Variants in SEMA3E observed in about 807,000 individuals in gnomAD.
SEMA3E encodes the protein semaphorin 3E.
A neutral mutation model predicts 93.6 loss-of-function variants in SEMA3E; 49 were observed. The observed-to-expected ratio is 0.52, with a 90% CI of 0.42 to 0.66. The LOEUF is 0.66. SEMA3E is among the 30% of genes least tolerant of loss of function. SEMA3E has a pLI of 0.00. For synonymous variants in SEMA3E, 363 were observed against 330.7 expected (o/e 1.10, Z -1.06); for missense variants, 906 against 964.8 (o/e 0.94, Z 0.81).
chr7:83,409,122 G>T (rs1471459883), intron 5 of SEMA3E, among the ~76,000 whole-genome samples: 1 of 152,180 alleles, frequency 6.6e-6, no homozygotes, highest in Non-Finnish European at 1.5e-5. Flanking sequence ...ATTGAAGGAA[G>T]TTAGTTGCAA....
intron 1 of SEMA3E, among the ~76,000 whole-genome samples, chr7:83,618,391 T>C (rs1363041992): frequency 4.6e-5 from 7 of 152,174 alleles, no homozygotes; most frequent in Middle Eastern, 3.4e-3. Context: ...AAGTGACAAG[T>C]AAGTTTTTTT....
At position 83,405,950 on chromosome 7, in the gene SEMA3E, T is replaced by G; in HGVS notation, c.923A>C (p.Glu308Ala). ...ATTCACCTAAAAACATTTACCTAAT[T>G]CATCAAAATATGTGTCAATTCCATT... The part of the protein sequence containing the change: ...GMNGIDTYFD[E>A]LEDVFLLPTR... Residue 308 changes from glutamate (E) to alanine (A), a missense_variant, in exon 8 of 17, where the codon GAA (glutamate) becomes GCA (alanine). Coordinates refer to ENST00000643230, the MANE Select transcript of SEMA3E (RefSeq NM_012431.3). 1 of 1,607,712 alleles carries G rather than the reference T, an allele frequency of 6.2e-7. No individual in the cohort carries two copies. The highest frequency in any genetic ancestry group is 1.3e-5 in the African/African-American group (1 of 74,868).
chr7:83,501,696 T>C (rs185744275), intron 1 of SEMA3E, among the ~76,000 whole-genome samples: 1 of 152,352 alleles, frequency 6.6e-6, no homozygotes, highest in Admixed American at 6.5e-5. Flanking sequence ...ATCATTTTAA[T>C]GACAGGTCTA....
chr7:83,537,661 C>T (rs1279926839), intron 1 of SEMA3E, among the ~76,000 whole-genome samples: 1 of 152,136 alleles, frequency 6.6e-6, no homozygotes, highest in East Asian at 1.9e-4. Context: ...TTCTTTCCTG[C>T]TTCTCAATCT....
chr7:83,554,298 TC>T (rs1360561873), intron 1 of SEMA3E, among the ~76,000 whole-genome samples: 1 of 152,156 alleles, frequency 6.6e-6, no homozygotes, highest in Non-Finnish European at 1.5e-5. Flanking sequence ...TCAACAGTAA[TC>T]TTAAATCAGG....
chr7:83,635,634 T>G (rs1793867318), intron 1 of SEMA3E, among the ~76,000 whole-genome samples: 1 of 151,966 alleles, frequency 6.6e-6, no homozygotes, highest in Non-Finnish European at 1.5e-5. Context: ...ATTAAGTACA[T>G]GAAAAAACAT....
At chr7:83,567,007 C>T (rs1339845728) in intron 1 of SEMA3E, among the ~76,000 whole-genome samples, 1 of 152,142 alleles carries the variant, frequency 6.6e-6, no homozygotes, top group East Asian at 1.9e-4. Context: ...GAACGACTGC[C>T]TTCAAGCAAT....
intron 1 of SEMA3E, among the ~76,000 whole-genome samples, chr7:83,547,529 A>G (rs1477130596): frequency 2.0e-5 from 3 of 152,238 alleles, no homozygotes; most frequent in East Asian, 1.9e-4. Flanking sequence ...CACAGCCTAA[A>G]TAAGGAAGGT....
chr7:83,615,491 A>G (rs748273351), intron 1 of SEMA3E, among the ~76,000 whole-genome samples: 15 of 152,128 alleles, frequency 9.9e-5, no homozygotes, highest in Non-Finnish European at 2.1e-4. Flanking sequence ...AAATGTGATC[A>G]ACCATAGGTG....
At chr7:83,539,831 C>CT (rs55973254) in intron 1 of SEMA3E, among the ~76,000 whole-genome samples, 32,997 of 133,670 alleles carry the variant, frequency 0.25, 3,885 homozygotes, top group East Asian at 0.43. Flanking sequence ...TTTAAGTTAA[C>CT]TTTTTTGTTT....
intron 1 of SEMA3E, among the ~76,000 whole-genome samples, chr7:83,540,058 A>C (rs1018879585): frequency 3.9e-5 from 6 of 152,074 alleles, no homozygotes; most frequent in East Asian, 1.9e-4. Context: ...TAATTTTTGT[A>C]TTTTTAGTAG....
Position 83,368,536 on chromosome 7 carries a change from G to A in SEMA3E, c.1876-498C>T, listed in dbSNP as rs367589546. 9.2e-5 allele frequency among the ~76,000 whole-genome samples: 14 copies of A among 152,146 alleles called. 1 individual carries two copies. The highest frequency in any genetic ancestry group is 9.6e-5 in the African/African-American group (4 of 41,520). On this transcript the variant is annotated intron_variant, in intron 16 of 16. Transcript: ENST00000643230. ...CAAGGACCTCTCTTTGGAGAACTGG[G>A]CTCCTTTCACTTTGTCGTCTTACAA...
At chr7:83,455,317 G>C (rs1584259569) in intron 4 of SEMA3E, among the ~76,000 whole-genome samples, 1 of 152,146 alleles carries the variant, frequency 6.6e-6, no homozygotes, top group African/African-American at 2.4e-5. Context: ...TCTGCAGATG[G>C]CCCACACATT....
chr7:83,532,119 A>T (rs1791315886), intron 1 of SEMA3E, among the ~76,000 whole-genome samples: 1 of 152,146 alleles, frequency 6.6e-6, no homozygotes, highest in African/African-American at 2.4e-5. Flanking sequence ...AGACAACATT[A>T]AAAAAATTAG....
chr7:83,400,995 G>T (rs1164643385), intron 10 of SEMA3E, among the ~76,000 whole-genome samples: 2 of 151,856 alleles, frequency 1.3e-5, no homozygotes, highest in Non-Finnish European at 2.9e-5. Context: ...AATTTTAGTG[G>T]TTCAACAAAA....
intron 2 of SEMA3E, among the ~76,000 whole-genome samples, chr7:83,475,325 T>G (rs1216016596): frequency 6.6e-6 from 1 of 152,154 alleles, no homozygotes; most frequent in Non-Finnish European, 1.5e-5. Context: ...TAATTCTCCA[T>G]AGCGTTTTTA....
In SEMA3E at chr7:83,488,052, T is replaced by C. The variant is rs1334954882; in HGVS notation, c.276+2062A>G. On this transcript the variant is annotated intron_variant, in intron 2 of 16. Transcript: ENST00000643230. ...CTGCTTGCAAGGTGACAGGAGCCAA[T>C]ATGCAAGCTGATTCATAAAAAAGAC... is the stretch of plus-strand genomic sequence containing the variant. Among the ~76,000 whole-genome samples, 5 of 151,694 alleles carry C rather than the reference T, an allele frequency of 3.3e-5. No individual in the cohort carries two copies. In the East Asian group the frequency reaches 9.7e-4, roughly 29 times the overall value.
intron 13 of SEMA3E, among the ~76,000 whole-genome samples, chr7:83,393,139 G>T (rs1316870460): frequency 6.6e-6 from 1 of 151,790 alleles, no homozygotes. Context: ...ATAAATGCAG[G>T]AGTACCAAAA....
At chr7:83,597,057 T>C (rs1156405697) in intron 1 of SEMA3E, among the ~76,000 whole-genome samples, 1 of 152,050 alleles carries the variant, frequency 6.6e-6, no homozygotes, top group African/African-American at 2.4e-5. Context: ...GGTGACTGCC[T>C]AACACTACTA....
Sources: allele counts gnomAD v4.1 joint callset (sites outside exome capture counted in the v4.1 genomes callset), GRCh38; gene constraint gnomAD v4.1.1; transcripts MANE v1.5; gene names NCBI Gene and HGNC (gene_info 2026-07-23, HGNC 2026-07-21).